The following TMEFF2 variants were observed in gnomAD, a reference collection of about 807,000 sequenced individuals.
TMEFF2 encodes the protein tomoregulin-2.
In TMEFF2, 28 loss-of-function variants were observed where a neutral mutation model predicts 53.8. That is an observed-to-expected ratio of 0.52 (90% CI 0.39 to 0.71). TMEFF2 has a LOEUF of 0.71. Ranked by LOEUF, TMEFF2 falls within the 30% of genes least tolerant of loss-of-function variation. TMEFF2 has a pLI of 0.00. For missense variants in TMEFF2, 353 were observed against 455.2 expected, an observed-to-expected ratio of 0.78 and a Z score of 2.04; for synonymous variants, 162 against 166.3, an observed-to-expected ratio of 0.97 and a Z score of 0.20.
intron 3 of TMEFF2, among the ~76,000 whole-genome samples, chr2:192,180,289 C>T (rs1404317041): frequency 6.6e-6 from 1 of 151,546 alleles, no homozygotes; most frequent in African/African-American, 2.4e-5. Context: ...CAGATATTCA[C>T]TAAATGATTC....
chr2:191,964,257 C>CTT (rs1491120075), intron 7 of TMEFF2, among the ~76,000 whole-genome samples: 145 of 7,246 alleles, frequency 0.02, 3 homozygotes, highest in African/African-American at 0.028. Context: ...TCCTTCCTTC[C>CTT]TCCTTTCTTT....
intron 4 of TMEFF2, among the ~76,000 whole-genome samples, chr2:192,137,075 T>C (rs1037391295): frequency 6.6e-6 from 1 of 152,254 alleles, no homozygotes; most frequent in Non-Finnish European, 1.5e-5. Context: ...GATATATCCA[T>C]GTCCCTTTTT....
At chr2:192,146,516 C>T (rs1690252911) in intron 4 of TMEFF2, among the ~76,000 whole-genome samples, 1 of 151,958 alleles carries the variant, frequency 6.6e-6, no homozygotes, top group Admixed American at 6.6e-5. Flanking sequence ...AAGCTCTTCT[C>T]CCCAAGTGTC....
chr2:192,121,258 A>G (rs1169117229), intron 4 of TMEFF2, among the ~76,000 whole-genome samples: 1 of 152,208 alleles, frequency 6.6e-6, no homozygotes, highest in Non-Finnish European at 1.5e-5. Context: ...GTAATTTGTC[A>G]GATGCCATAG....
intron 5 of TMEFF2, among the ~76,000 whole-genome samples, chr2:192,009,944 A>T (rs1279725613): frequency 1.3e-5 from 2 of 152,238 alleles, no homozygotes; most frequent in Non-Finnish European, 2.9e-5. Flanking sequence ...TGTTTAAATT[A>T]TCAACCTTGG....
chr2:192,096,256 A>T (rs554078007), intron 4 of TMEFF2, among the ~76,000 whole-genome samples: 8 of 152,200 alleles, frequency 5.3e-5, no homozygotes, highest in Non-Finnish European at 8.8e-5. Flanking sequence ...AGCCTTTTAT[A>T]TAAAGAGATT....
At chr2:192,132,194 G>T (rs953957140) in intron 4 of TMEFF2, among the ~76,000 whole-genome samples, 8 of 152,056 alleles carry the variant, frequency 5.3e-5, no homozygotes, top group African/African-American at 1.7e-4. Context: ...CTCACACCTG[G>T]TCTGGCTTAC....
At chr2:192,043,666 G>T (rs1239073019) in intron 5 of TMEFF2, 1 of 152,238 alleles carries the variant, frequency 6.6e-6, no homozygotes, top group Admixed American at 6.5e-5. Flanking sequence ...GATCTGGAAT[G>T]TATAATTGGA....
intron 5 of TMEFF2, among the ~76,000 whole-genome samples, chr2:192,029,979 C>T (rs1010341122): frequency 6.6e-6 from 1 of 152,116 alleles, no homozygotes; most frequent in African/African-American, 2.4e-5. Flanking sequence ...TGGAAAACTC[C>T]ACTGTGCATT....
chr2:192,176,366 G>A (rs1326508249), intron 4 of TMEFF2, among the ~76,000 whole-genome samples: 1 of 151,216 alleles, frequency 6.6e-6, no homozygotes, highest in Admixed American at 6.6e-5. Context: ...CGGGTCCTAT[G>A]TTCAAAACTA....
At chr2:191,975,317 A>G (rs1685688650) in intron 7 of TMEFF2, among the ~76,000 whole-genome samples, 1 of 136,872 alleles carries the variant, frequency 7.3e-6, no homozygotes, top group African/African-American at 2.7e-5. Context: ...TGAATTTAAG[A>G]TTTTATTCTC....
chr2:192,174,405 A>T (rs959167034), intron 4 of TMEFF2, among the ~76,000 whole-genome samples: 1 of 151,452 alleles, frequency 6.6e-6, no homozygotes, highest in Non-Finnish European at 1.5e-5. Context: ...CATCATTCTC[A>T]CTTTATTTTC....
intron 5 of TMEFF2, among the ~76,000 whole-genome samples, chr2:192,042,297 G>T (rs769993937): frequency 1.4e-4 from 21 of 152,106 alleles, no homozygotes; most frequent in Non-Finnish European, 2.9e-4. Context: ...ATAGAGACAT[G>T]AATTGAGTAC....
At chr2:192,162,206 T>C (rs944209181) in intron 4 of TMEFF2, among the ~76,000 whole-genome samples, 6 of 152,164 alleles carry the variant, frequency 3.9e-5, no homozygotes, top group Non-Finnish European at 2.9e-5. Flanking sequence ...CTATGTCCAT[T>C]GCTACTCACA....
At chr2:191,965,128 C>T (rs1692433388) in intron 7 of TMEFF2, among the ~76,000 whole-genome samples, 1 of 152,070 alleles carries the variant, frequency 6.6e-6, no homozygotes, top group Admixed American at 6.6e-5. Context: ...TTAGTCAGCC[C>T]AGATCAACTT....
Position 192,194,126 on chromosome 2 carries a change from A to C in TMEFF2, c.172+227T>G, listed in dbSNP as rs116571096. On this transcript the variant is annotated intron_variant, in intron 1 of 9. Coordinates refer to ENST00000272771, the MANE Select transcript of TMEFF2 (RefSeq NM_016192.4). This position sits in a 1 kb window ranked among gnomAD's most constrained non-coding sequence, Gnocchi z 4.2. ...AGCTCCAATGTAAGCGCAAGCATGCAAAGGTTTCCTGCTACACCTGCACTT... is the reference window on the plus strand; with the variant it reads ...AGCTCCAATGTAAGCGCAAGCATGCCAAGGTTTCCTGCTACACCTGCACTT... 0.012 allele frequency among the ~76,000 whole-genome samples: 1,803 copies of C among 152,286 alleles called. 32 individuals carry two copies. The highest frequency in any genetic ancestry group is 0.041 in the African/African-American group (1,705 of 41,552).
chr2:192,182,351 G>A (rs542176701), intron 3 of TMEFF2, among the ~76,000 whole-genome samples: 23 of 151,920 alleles, frequency 1.5e-4, no homozygotes, highest in Non-Finnish European at 2.7e-4. Context: ...TGTTCTCTCC[G>A]TCATTATTCA....
At chr2:191,951,155 ATGTGTATGTATGTGTGTG>A (rs1319692190) in intron 9 of TMEFF2, among the ~76,000 whole-genome samples, 1 of 142,114 alleles carries the variant, frequency 7.0e-6, no homozygotes, top group African/African-American at 2.5e-5. Flanking sequence ...ATGTGGGTTT[ATGTGTATGTATGTGTGTG>A]TGTGTATGTA....
chr2:192,026,645 A>G (rs1686977496), intron 5 of TMEFF2, among the ~76,000 whole-genome samples: 1 of 152,194 alleles, frequency 6.6e-6, no homozygotes, highest in South Asian at 2.1e-4. Context: ...TGCATAAACA[A>G]GACTGACAAA....
Sources: gnomAD v4.1 joint callset for allele counts (sites outside exome capture counted in the v4.1 genomes callset) on GRCh38, gnomAD v4.1.1 for gene constraint, Gnocchi (gnomAD v3.1) non-coding constraint, MANE v1.5 for transcripts, NCBI Gene and HGNC (gene_info 2026-07-23, HGNC 2026-07-21) for gene names.